The following ATXN7L1 variants were observed in gnomAD, a reference collection of about 807,000 sequenced individuals.
ATXN7L1 encodes ataxin 7 like 1.
Under a neutral mutation model 70.8 loss-of-function variants are expected in ATXN7L1, and 15 were observed. The ratio of observed to expected loss-of-function variants is 0.21; its 90% CI spans 0.14 to 0.33. The LOEUF (loss-of-function observed/expected upper bound fraction) is 0.33. Among genes scored for constraint, ATXN7L1 ranks in the 10% least tolerant of loss-of-function variants. The probability of loss-of-function intolerance (pLI) is 1.00; values close to 1 mark genes in which losing one functional copy is unlikely to be tolerated. For missense variants in ATXN7L1, 975 were observed against 1,097.1 expected, an observed-to-expected ratio of 0.89 and a Z score of 1.57; for synonymous variants, 440 against 445.1, an observed-to-expected ratio of 0.99 and a Z score of 0.14.
At chr7:105,622,154 T>C (rs1156320741) in intron 8 of ATXN7L1, among the ~76,000 whole-genome samples, 1 of 152,174 alleles carries the variant, frequency 6.6e-6, no homozygotes, top group Non-Finnish European at 1.5e-5. Context: ...CAACTGGCCA[T>C]GAGAGAAAGG....
In ATXN7L1 at chr7:105,792,744, C is replaced by A. The variant is rs556325033; in HGVS notation, c.251-4036G>T. Among the ~76,000 whole-genome samples, 70 of 152,266 alleles carry A rather than the reference C, an allele frequency of 4.6e-4. 1 individual carries two copies. The highest frequency in any genetic ancestry group is 1.5e-3 in the African/African-American group (64 of 41,552). On this transcript the variant is annotated intron_variant, in intron 2 of 11. Transcript: ENST00000419735. Reference sequence around the variant, plus strand: ...ATCAGCCATGGTGGAAGTATTTACACCAAGGAAATGGGCAAACACTACAAA... The same window carrying A: ...ATCAGCCATGGTGGAAGTATTTACAACAAGGAAATGGGCAAACACTACAAA...
chr7:105,868,741 T>C (rs915323513), intron 2 of ATXN7L1, among the ~76,000 whole-genome samples: 1 of 152,190 alleles, frequency 6.6e-6, no homozygotes, highest in Non-Finnish European at 1.5e-5. Context: ...ATGAACATTA[T>C]TAAAAAAAAT....
rs375514048 is a variant in ATXN7L1, at chr7:105,623,970, C to T, written c.1395+105G>A. On this transcript the variant is annotated intron_variant, in intron 8 of 11. Coordinates refer to ENST00000419735, the MANE Select transcript of ATXN7L1 (RefSeq NM_020725.2). ...TGGTAAGCCTTTTTGTAAAACACTG[C>T]GCAGGCAGCCTTGCCTTAGGAAGGA... 22 of 1,080,146 alleles carry T rather than the reference C, an allele frequency of 2.0e-5. No individual in the cohort carries two copies. The East Asian group carries it at 3.5e-4, about 17-fold the overall frequency. The allele number at this position is 1,080,146 out of a possible 1,614,324, so 66.9% of individuals were successfully genotyped here. A position where few individuals can be genotyped will look rare whatever the true frequency, so the allele number is the denominator to read the frequency against.
intron 3 of ATXN7L1, among the ~76,000 whole-genome samples, chr7:105,689,442 T>C: frequency 6.6e-6 from 1 of 152,180 alleles, no homozygotes; most frequent in East Asian, 1.9e-4. Flanking sequence ...CCTTTCAGTA[T>C]TTACTGCCAC....
In ATXN7L1 at chr7:105,664,509, AAT is replaced by A. The variant is rs963726987; in HGVS notation, c.578+555_578+556del. Among the ~76,000 whole-genome samples the A allele has an allele frequency of 3.6e-4, 52 of 143,920 alleles. No homozygotes were observed. The South Asian group carries it at 4.3e-3, about 12-fold the overall frequency. The allele number at this position is 143,920 out of a possible 152,430, so 94.4% of individuals were successfully genotyped here. ...ATACATATATGTATAATATATGTATAATATATATATACATATGTATAATATAT... is the reference window on the plus strand; with the variant it reads ...ATACATATATGTATAATATATGTATAATATATATACATATGTATAATATAT... On this transcript the variant is annotated intron_variant, in intron 4 of 11. Coordinates refer to ENST00000419735, the MANE Select transcript of ATXN7L1 (RefSeq NM_020725.2).
intron 3 of ATXN7L1, chr7:105,761,118 G>T: frequency 8.7e-7 from 1 of 1,148,932 alleles, no homozygotes; most frequent in Non-Finnish European, 1.1e-6. Flanking sequence ...AGTTGTCCAG[G>T]TGGGAATTGA....
intron 7 of ATXN7L1, among the ~76,000 whole-genome samples, chr7:105,627,488 G>A (rs1795875897): frequency 2.0e-5 from 3 of 150,948 alleles, no homozygotes; most frequent in African/African-American, 4.9e-5. Flanking sequence ...CTACTTGCTC[G>A]GCCTCCCAAA....
rs1434131984 is a variant in ATXN7L1, at chr7:105,759,325, G to A, written c.355+29279C>T. On this transcript the variant is annotated intron_variant, in intron 3 of 11. Transcript: ENST00000419735. ...TAAATGCTGGGCTCAGATCCAGCTTGGGCCACTCACTCCCAAGATTCATAC... is the reference window on the plus strand; with the variant it reads ...TAAATGCTGGGCTCAGATCCAGCTTAGGCCACTCACTCCCAAGATTCATAC... 2.6e-5 allele frequency among the ~76,000 whole-genome samples: 4 copies of A among 151,738 alleles called. No individual in the cohort carries two copies. The East Asian group carries it at 7.7e-4, about 29-fold the overall frequency.
At chr7:105,801,850 C>T (rs1407244534) in intron 2 of ATXN7L1, among the ~76,000 whole-genome samples, 10 of 152,142 alleles carry the variant, frequency 6.6e-5, no homozygotes, top group Admixed American at 2.6e-4. Context: ...AATTGGCAAA[C>T]ACTACAAATC....
chr7:105,704,678 CT>C (rs761328645), intron 3 of ATXN7L1, among the ~76,000 whole-genome samples: 6 of 140,798 alleles, frequency 4.3e-5, no homozygotes, highest in South Asian at 2.4e-4. Context: ...GTTGCAACCT[CT>C]ACTCACTGCA....
At chr7:105,736,143 G>A (rs1212826834) in intron 3 of ATXN7L1, among the ~76,000 whole-genome samples, 1 of 152,182 alleles carries the variant, frequency 6.6e-6, no homozygotes, top group Non-Finnish European at 1.5e-5. Flanking sequence ...TCTTCTGTGG[G>A]CTTCCCAGGA....
chr7:105,801,453 A>G (rs1023697073), intron 2 of ATXN7L1, among the ~76,000 whole-genome samples: 2 of 152,314 alleles, frequency 1.3e-5, no homozygotes, highest in African/African-American at 4.8e-5. Context: ...TCCTCAAGGG[A>G]TCTGATAGCT....
chr7:105,843,062 A>C (rs777412752), intron 2 of ATXN7L1, among the ~76,000 whole-genome samples: 5 of 152,204 alleles, frequency 3.3e-5, no homozygotes, highest in Non-Finnish European at 5.9e-5. Flanking sequence ...CTTAAAATGA[A>C]GGCGTGAGCT....
At chr7:105,791,534 G>A (rs1298593300) in intron 2 of ATXN7L1, among the ~76,000 whole-genome samples, 1 of 152,056 alleles carries the variant, frequency 6.6e-6, no homozygotes, top group East Asian at 1.9e-4. Context: ...CACAGCTCTC[G>A]ATTTGCTTTT....
intron 2 of ATXN7L1, among the ~76,000 whole-genome samples, chr7:105,871,160 C>T (rs1818213963): frequency 6.9e-6 from 1 of 144,506 alleles, no homozygotes; most frequent in South Asian, 2.3e-4. Context: ...AAGGTACATT[C>T]AATAGAGAAG....
At chr7:105,790,972 C>T (rs1043387953) in intron 2 of ATXN7L1, among the ~76,000 whole-genome samples, 4 of 152,212 alleles carry the variant, frequency 2.6e-5, no homozygotes, top group South Asian at 2.1e-4. Context: ...CCCCTGACCA[C>T]GATCCTAGGC....
chr7:105,760,328 G>C (rs553485286), intron 3 of ATXN7L1: 1 of 918,502 alleles, frequency 1.1e-6, no homozygotes, highest in Non-Finnish European at 1.3e-6. Context: ...AACCATATGA[G>C]GGGGCTGTTA....
chr7:105,818,369 C>T (rs1034538756), intron 2 of ATXN7L1, among the ~76,000 whole-genome samples: 1 of 152,146 alleles, frequency 6.6e-6, no homozygotes. Flanking sequence ...TGGGGTTTTG[C>T]CATGCTGGCC....
intron 2 of ATXN7L1, among the ~76,000 whole-genome samples, chr7:105,871,674 C>T (rs894283725): frequency 6.7e-6 from 1 of 150,372 alleles, no homozygotes; most frequent in South Asian, 2.1e-4. Flanking sequence ...CATGCCATTG[C>T]ACTCCAGCCT....
Sources: allele counts gnomAD v4.1 joint callset (sites outside exome capture counted in the v4.1 genomes callset), GRCh38; gene constraint gnomAD v4.1.1; transcripts MANE v1.5; gene names NCBI Gene and HGNC (gene_info 2026-07-23, HGNC 2026-07-21).